NKAIN3: variants seen among roughly 807,000 people sequenced by gnomAD.
NKAIN3 encodes sodium/potassium-transporting ATPase subunit beta-1-interacting protein 3.
Under a neutral mutation model 30.2 loss-of-function variants are expected in NKAIN3, and 25 were observed. The observed-to-expected ratio is 0.83, with a 90% CI of 0.60 to 1.16. The LOEUF (loss-of-function observed/expected upper bound fraction) is 1.16. Ranked by LOEUF, NKAIN3 falls within the 50% of genes most tolerant of loss-of-function variation. The pLI, the probability that NKAIN3 is intolerant of heterozygous loss-of-function variation, is 0.00. For missense variants in NKAIN3, 225 were observed against 254.1 expected (o/e 0.89, Z 0.78); for synonymous variants, 91 against 89.6 (o/e 1.02, Z -0.09).
intron 1 of NKAIN3, among the ~76,000 whole-genome samples, chr8:62,318,959 G>C (rs886998588): frequency 1.3e-5 from 2 of 152,008 alleles, no homozygotes; most frequent in Non-Finnish European, 2.9e-5. Flanking sequence ...AATCCATCTG[G>C]TCCTGGACTT....
intron 5 of NKAIN3, among the ~76,000 whole-genome samples, chr8:62,944,370 C>T (rs151243693): frequency 7.2e-5 from 11 of 152,064 alleles, no homozygotes; most frequent in Non-Finnish European, 1.3e-4. Context: ...TCAAGATTGT[C>T]TTAACTAATC....
intron 3 of NKAIN3, among the ~76,000 whole-genome samples, chr8:62,744,793 CA>C (rs1415480308): frequency 6.6e-6 from 1 of 152,048 alleles, no homozygotes; most frequent in Non-Finnish European, 1.5e-5. Flanking sequence ...GCAAATGATA[CA>C]AGTAGCAAAC....
chr8:62,860,610 T>C (rs1250964192), intron 4 of NKAIN3, among the ~76,000 whole-genome samples: 1 of 152,216 alleles, frequency 6.6e-6, no homozygotes, highest in Non-Finnish European at 1.5e-5. Flanking sequence ...TTTCTCCCAC[T>C]TCTTCCTGCT....
At chr8:62,511,680 C>T (rs1326759488) in intron 1 of NKAIN3, among the ~76,000 whole-genome samples, 1 of 152,114 alleles carries the variant, frequency 6.6e-6, no homozygotes, top group Non-Finnish European at 1.5e-5. Context: ...ACAGTTCCAC[C>T]AGCCTTCTTT....
At chr8:62,644,392 T>A (rs953613494) in intron 3 of NKAIN3, among the ~76,000 whole-genome samples, 1 of 151,898 alleles carries the variant, frequency 6.6e-6, no homozygotes, top group Non-Finnish European at 1.5e-5. Context: ...ACATCCTGAT[T>A]AAGAAATATA....
chr8:62,801,781 CGAGTT>C (rs1298317240), intron 4 of NKAIN3, among the ~76,000 whole-genome samples: 1 of 152,156 alleles, frequency 6.6e-6, no homozygotes, highest in Non-Finnish European at 1.5e-5. Flanking sequence ...ATGACTTTGA[CGAGTT>C]GAGAGAAGAA....
chr8:62,465,280 C>T (rs531135890), intron 1 of NKAIN3, among the ~76,000 whole-genome samples: 63 of 152,116 alleles, frequency 4.1e-4, no homozygotes, highest in Non-Finnish European at 7.2e-4. Flanking sequence ...ATTTAACCTC[C>T]CCAAAATGAT....
At chr8:62,544,624 A>G (rs1474711267) in intron 1 of NKAIN3, among the ~76,000 whole-genome samples, 1 of 150,714 alleles carries the variant, frequency 6.6e-6, no homozygotes, top group Non-Finnish European at 1.5e-5. Context: ...TTTCAGCCCT[A>G]TTATCCCCTA....
chr8:62,724,970 G>A (rs527536816), intron 3 of NKAIN3, among the ~76,000 whole-genome samples: 2 of 151,976 alleles, frequency 1.3e-5, no homozygotes, highest in South Asian at 4.2e-4. Context: ...GTTCTCCACA[G>A]TGGTTGTGAT....
chr8:62,300,385 A>G (rs1814004731), intron 1 of NKAIN3, among the ~76,000 whole-genome samples: 1 of 152,144 alleles, frequency 6.6e-6, no homozygotes, highest in Admixed American at 6.6e-5. Flanking sequence ...TGGGTAACAT[A>G]GTTAAATAAA....
chr8:62,491,828 C>T (rs143127133), intron 1 of NKAIN3, among the ~76,000 whole-genome samples: 170 of 151,906 alleles, frequency 1.1e-3, no homozygotes, highest in Middle Eastern at 3.4e-3. Flanking sequence ...GAAAGGAGGA[C>T]TGAGAATGGA....
At chr8:62,423,326 T>C (rs1217433405) in intron 1 of NKAIN3, among the ~76,000 whole-genome samples, 1 of 151,772 alleles carries the variant, frequency 6.6e-6, no homozygotes. Flanking sequence ...CCTAATAAAC[T>C]CTTTATTTCC....
At chr8:62,918,339 C>G (rs1822170413) in intron 4 of NKAIN3, 114 bp from the exon 5 acceptor site, 2 of 763,594 alleles carry the variant, frequency 2.6e-6, no homozygotes, top group East Asian at 5.4e-5. Flanking sequence ...AGTTTTTCCA[C>G]TGCAAACTCT....
rs553130321 is a variant in NKAIN3 at position 62,423,403 on chromosome 8, C to G, written c.55-156136C>G. Among the ~76,000 whole-genome samples, 10 of 150,026 alleles carry G rather than the reference C, an allele frequency of 6.7e-5. No individual in the cohort carries two copies. The East Asian group carries it at 1.9e-3, about 29-fold the overall frequency. On this transcript the variant is annotated intron_variant, in intron 1 of 6. Coordinates refer to ENST00000623646, the MANE Select transcript of NKAIN3 (RefSeq NM_001304533.3). ...TGCCCTATAAAATCTGTGGTCATCT[C>G]TATGTATATATAACATTCATATTAT... is the stretch of plus-strand genomic sequence containing the variant.
intron 1 of NKAIN3, among the ~76,000 whole-genome samples, chr8:62,504,842 C>T (rs1447051289): frequency 7.2e-5 from 11 of 152,160 alleles, no homozygotes; most frequent in Admixed American, 7.2e-4. Context: ...TCTTTCTGCT[C>T]TAGTAACACC....
chr8:62,617,025 G>T (rs1221719269), intron 3 of NKAIN3, among the ~76,000 whole-genome samples: 1 of 152,074 alleles, frequency 6.6e-6, no homozygotes, highest in Admixed American at 6.6e-5. Context: ...AAAGTGTGTG[G>T]CACCTTCTCC....
chr8:62,354,513 G>A (rs940103765), intron 1 of NKAIN3, among the ~76,000 whole-genome samples: 1 of 151,932 alleles, frequency 6.6e-6, no homozygotes, highest in Non-Finnish European at 1.5e-5. Flanking sequence ...GCGCGATCTC[G>A]GCTCACTGCA....
chr8:62,412,913 A>AAC (rs1420583515), intron 1 of NKAIN3, among the ~76,000 whole-genome samples: 1 of 83,236 alleles, frequency 1.2e-5, no homozygotes, highest in East Asian at 3.6e-4. Flanking sequence ...CTCCGTCAAA[A>AAC]AAAAAAAACA....
chr8:62,835,774 T>C (rs1223558090), intron 4 of NKAIN3, among the ~76,000 whole-genome samples: 1 of 151,932 alleles, frequency 6.6e-6, no homozygotes, highest in African/African-American at 2.4e-5. Context: ...CCATAGAAAG[T>C]GGCTTGGAAA....
Sources: allele counts gnomAD v4.1 joint callset (sites outside exome capture counted in the v4.1 genomes callset), GRCh38; gene constraint gnomAD v4.1.1; transcripts MANE v1.5; gene names NCBI Gene and HGNC (gene_info 2026-07-23, HGNC 2026-07-21).